The following OTUD7A variants were observed in gnomAD, a reference collection of about 807,000 sequenced individuals.
The protein encoded by OTUD7A is OTU domain-containing protein 7A.
A neutral mutation model predicts 65.7 loss-of-function variants in OTUD7A; 12 were observed. The ratio of observed to expected loss-of-function variants is 0.18; its 90% CI spans 0.12 to 0.30. The LOEUF (loss-of-function observed/expected upper bound fraction) is 0.30, where lower values mean the gene tolerates loss of function less well. Ranked by LOEUF, OTUD7A falls within the 10% of genes least tolerant of loss-of-function variation. The pLI is 1.00. For missense variants in OTUD7A, 1,148 were observed against 1,304.8 expected (o/e 0.88, Z 1.85); for synonymous variants, 641 against 586.3 (o/e 1.09, Z -1.35).
At chr15:31,678,701 A>G (rs1435208107) in intron 1 of OTUD7A, among the ~76,000 whole-genome samples, 1 of 152,198 alleles carries the variant, frequency 6.6e-6, no homozygotes, top group Non-Finnish European at 1.5e-5. Flanking sequence ...CAGAGGATCT[A>G]TGGAAATGCT....
intron 3 of OTUD7A, among the ~76,000 whole-genome samples, chr15:31,614,151 A>G (rs1890514772): frequency 6.6e-6 from 1 of 152,194 alleles, no homozygotes; most frequent in Non-Finnish European, 1.5e-5. Flanking sequence ...ACTTGGGGGA[A>G]GAATGGGAGG....
At chr15:31,834,537 T>C (rs1897009078) in intron 1 of OTUD7A, among the ~76,000 whole-genome samples, 1 of 152,250 alleles carries the variant, frequency 6.6e-6, no homozygotes, top group East Asian at 1.9e-4. Flanking sequence ...GCCAGTTTAA[T>C]GGATGGTACA....
chr15:31,849,936 C>A (rs531348338), intron 1 of OTUD7A, among the ~76,000 whole-genome samples: 7 of 152,188 alleles, frequency 4.6e-5, no homozygotes, highest in Admixed American at 1.3e-4. Flanking sequence ...AATACGAACA[C>A]TTTTAGACAC....
At chr15:31,791,338 T>C (rs1895809714) in intron 1 of OTUD7A, among the ~76,000 whole-genome samples, 1 of 152,192 alleles carries the variant, frequency 6.6e-6, no homozygotes, top group Non-Finnish European at 1.5e-5. Flanking sequence ...CTAATAGTCA[T>C]CTTAAGGGAG....
intron 3 of OTUD7A, among the ~76,000 whole-genome samples, chr15:31,615,224 T>C (rs1020610484): frequency 1.3e-5 from 2 of 152,142 alleles, no homozygotes; most frequent in African/African-American, 4.8e-5. Flanking sequence ...AACCTTAATT[T>C]TACATTGCTT....
At chr15:31,860,917 CACCATGTT>C (rs1897724617) in intron 1 of OTUD7A, among the ~76,000 whole-genome samples, 1 of 131,256 alleles carries the variant, frequency 7.6e-6, no homozygotes, top group East Asian at 2.2e-4. Context: ...GACGGGGTTT[CACCATGTT>C]AGGCAGGATG....
chr15:31,777,889 C>T (rs534381636), intron 1 of OTUD7A, among the ~76,000 whole-genome samples: 1 of 152,292 alleles, frequency 6.6e-6, no homozygotes, highest in Admixed American at 6.5e-5. Flanking sequence ...GCTGCATTTG[C>T]AAGCACCCAA....
At chr15:31,556,995 A>C (rs2141155035) in intron 5 of OTUD7A, 2 of 152,334 alleles carry the variant, frequency 1.3e-5, no homozygotes, top group Middle Eastern at 6.8e-3. Flanking sequence ...TGTGGGTGCC[A>C]GTCATTGGAT....
At chr15:31,533,406 T>C (rs529792831) in intron 5 of OTUD7A, among the ~76,000 whole-genome samples, 2 of 152,168 alleles carry the variant, frequency 1.3e-5, no homozygotes, top group East Asian at 3.9e-4. Context: ...TGGCTAATTT[T>C]TGGTATTTTT....
chr15:31,484,425 A>G lies in OTUD7A; in HGVS notation c.1671T>C (p.Asn557=), dbSNP rs752910538. The change falls in exon 13 of 13, where the codon AAT becomes AAC. Residue 557 remains asparagine, a synonymous_variant. Coordinates refer to ENST00000307050, the MANE Select transcript of OTUD7A (RefSeq NM_001382637.1). This position sits in a 1 kb window ranked among gnomAD's most constrained non-coding sequence, Gnocchi z 4.5. The part of the protein sequence containing the change: ...HGKMGRANSA[N]GKNGDSAERG... Reference sequence around the variant, plus strand: ...GCTCGGCCGAGTCCCCGTTCTTGCCATTGGCGGAGTTGGCGCGGCCCATCT... The same window carrying G: ...GCTCGGCCGAGTCCCCGTTCTTGCCGTTGGCGGAGTTGGCGCGGCCCATCT... The G allele has an allele frequency of 1.9e-6, 3 of 1,602,538 alleles. No individual in the cohort carries two copies. Among genetic ancestry groups the G allele is most frequent in the Non-Finnish European group, 2.5e-6 (3 of 1,179,796 alleles).
intron 1 of OTUD7A, among the ~76,000 whole-genome samples, chr15:31,855,097 G>T (rs992789295): frequency 1.8e-4 from 27 of 151,800 alleles, no homozygotes; most frequent in African/African-American, 6.6e-4. Flanking sequence ...CAGAAAAAAG[G>T]TCATAGATAT....
intron 5 of OTUD7A, among the ~76,000 whole-genome samples, chr15:31,541,252 G>A (rs1419886007): frequency 6.6e-6 from 1 of 151,930 alleles, no homozygotes; most frequent in African/African-American, 2.4e-5. Flanking sequence ...GGAACCATGT[G>A]AGGAATGTAA....
chr15:31,611,129 CA>C (rs1890407097), intron 3 of OTUD7A, among the ~76,000 whole-genome samples: 1 of 152,004 alleles, frequency 6.6e-6, no homozygotes, highest in African/African-American at 2.4e-5. Context: ...CACAACCTAT[CA>C]AAATCTCTGG....
rs752735607 is a variant in OTUD7A at position 31,527,265 on chromosome 15, A to G, written c.696T>C (p.Ala232=). The change falls in exon 7 of 13, where the codon GCT becomes GCC. Residue 232 remains alanine (A), a synonymous_variant. Coordinates refer to ENST00000307050, the MANE Select transcript of OTUD7A (RefSeq NM_001382637.1). The part of the protein sequence containing the change: ...FHDRDLVLRK[A]LYTMMRTGAE... ...CTCCCGTCCTCATCATGGTATAGAG[A>G]GCTTTCCGTAACACCAGGTCCCGGT... 1 of 1,614,068 alleles carries G rather than the reference A, an allele frequency of 6.2e-7. No homozygotes were observed. The highest frequency in any genetic ancestry group is 8.5e-7 in the Non-Finnish European group (1 of 1,179,986).
intron 1 of OTUD7A, among the ~76,000 whole-genome samples, chr15:31,751,262 A>G (rs772878308): frequency 6.6e-6 from 1 of 152,116 alleles, no homozygotes; most frequent in Non-Finnish European, 1.5e-5. Flanking sequence ...AAAGGACATA[A>G]AGAGACACTT....
intron 1 of OTUD7A, among the ~76,000 whole-genome samples, chr15:31,757,949 G>A (rs1310472086): frequency 1.3e-5 from 2 of 152,052 alleles, no homozygotes; most frequent in South Asian, 2.1e-4. Flanking sequence ...CCAAAACAAC[G>A]GCCAGATTCT....
chr15:31,812,189 A>G (rs970582531), intron 1 of OTUD7A, among the ~76,000 whole-genome samples: 1 of 152,066 alleles, frequency 6.6e-6, no homozygotes, highest in Non-Finnish European at 1.5e-5. Flanking sequence ...TCTCCCAAAC[A>G]TGTCCTGGAC....
intron 3 of OTUD7A, among the ~76,000 whole-genome samples, chr15:31,616,008 G>T (rs913379266): frequency 6.6e-6 from 1 of 152,342 alleles, no homozygotes; most frequent in South Asian, 2.1e-4. Context: ...GTTCTGATGA[G>T]GTATGGGCCT....
At chr15:31,641,256 C>T (rs1595678667) in intron 3 of OTUD7A, among the ~76,000 whole-genome samples, 1 of 152,266 alleles carries the variant, frequency 6.6e-6, no homozygotes, top group East Asian at 1.9e-4. Context: ...TGTCTTCCAC[C>T]ATGACTGTAA....
Sources: gnomAD v4.1 joint callset for allele counts (sites outside exome capture counted in the v4.1 genomes callset) on GRCh38, gnomAD v4.1.1 for gene constraint, Gnocchi (gnomAD v3.1) non-coding constraint, MANE v1.5 for transcripts, NCBI Gene and HGNC (gene_info 2026-07-23, HGNC 2026-07-21) for gene names.